USP24: variants seen among roughly 807,000 people sequenced by gnomAD.
The protein encoded by USP24 is ubiquitin carboxyl-terminal hydrolase 24.
USP24 carries 97 observed loss-of-function variants against 361.6 expected under a neutral mutation model. That is an observed-to-expected ratio of 0.27 (90% CI 0.23 to 0.32). The LOEUF is 0.32. Among genes scored for constraint, USP24 ranks in the 10% least tolerant of loss-of-function variants. USP24 has a pLI of 1.00. For synonymous variants in USP24, 1,098 were observed against 1,124.6 expected (o/e 0.98, Z 0.47); for missense variants, 2,353 against 3,165.6 (o/e 0.74, Z 6.16).
At chr1:55,144,598 T>C (rs948755029) in intron 20 of USP24, among the ~76,000 whole-genome samples, 10 of 152,136 alleles carry the variant, frequency 6.6e-5, no homozygotes, top group Non-Finnish European at 1.5e-4. Flanking sequence ...CACATATAAA[T>C]AGATGCTTAA....
intron 1 of USP24, among the ~76,000 whole-genome samples, chr1:55,185,717 T>C (rs1440368091): frequency 7.4e-6 from 1 of 135,448 alleles, no homozygotes; most frequent in Non-Finnish European, 1.6e-5. Flanking sequence ...CACACCACCA[T>C]ACCTGGTTCA....
chr1:55,102,698 A>C lies in USP24; in HGVS notation c.5026-995T>G, dbSNP rs532503589. 9.2e-5 allele frequency among the ~76,000 whole-genome samples: 14 copies of C among 152,312 alleles called. No homozygotes were observed. In the South Asian group the frequency reaches 2.9e-3, roughly 32 times the overall value. On this transcript the variant is annotated intron_variant, in intron 42 of 67. Transcript: ENST00000294383. ...GTCCAAAGCATAGATTTAAAAAAAAAAACTGGTTTGTAACAGTGCTAAAAA... is the reference window on the plus strand; with the variant it reads ...GTCCAAAGCATAGATTTAAAAAAAACAACTGGTTTGTAACAGTGCTAAAAA...
chr1:55,145,649 T>A lies in USP24; in HGVS notation c.2362+349A>T, dbSNP rs1464663042. 2.0e-5 allele frequency among the ~76,000 whole-genome samples: 3 copies of A among 152,348 alleles called. No homozygotes were observed. In the East Asian group the frequency reaches 5.8e-4, roughly 29 times the overall value. On this transcript the variant is annotated intron_variant, in intron 20 of 67. Coordinates refer to ENST00000294383, the MANE Select transcript of USP24 (RefSeq NM_015306.3). ...ACTTTAAAAAGTGAGTTTCATGGTA[T>A]GTAAATTATATCTCAATTTAAAAAT...
chr1:55,139,100 C>A, intron 24 of USP24, 90 bp from the exon 25 acceptor site: 1 of 1,151,228 alleles, frequency 8.7e-7, no homozygotes, highest in East Asian at 2.6e-5. Context: ...ACCACAATAA[C>A]AGTTAGCACT....
At position 55,139,005 on chromosome 1, in the gene USP24, G is replaced by T; in HGVS notation, c.2756C>A (p.Thr919Asn). The T allele has an allele frequency of 6.2e-7, 1 of 1,608,944 alleles. No homozygotes were observed. The highest frequency in any genetic ancestry group is 1.1e-5 in the South Asian group (1 of 90,386). Residue 919 changes from threonine (T) to asparagine (N), a missense_variant, in exon 25 of 68, where the codon ACT becomes AAT. Thr to Asn is a moderately conservative substitution (Grantham distance 65, BLOSUM62 0). Around this residue, in one of 8 missense-constraint regions of USP24, gnomAD observed 949 missense variants for 1,280.5 expected, o/e 0.74. Transcript: ENST00000294383. ...CAATCTCTCAATTATTACAAGTTTA[G>T]TAGATCTATAGATTAAAAAAAAAAA... The part of the protein sequence containing the change: ...ATSVQSPYRS[T>N]KLVIIERLLL...
rs1448727257 is a variant in USP24, at chr1:55,134,181, C to G, written c.3288-18G>C. The G allele has an allele frequency of 6.2e-7, 1 of 1,609,294 alleles. No homozygotes were observed. The highest frequency in any genetic ancestry group is 1.3e-5 in the African/African-American group (1 of 74,782). On this transcript the variant is annotated intron_variant, in intron 29 of 67. Coordinates refer to ENST00000294383, the MANE Select transcript of USP24 (RefSeq NM_015306.3). ...GAGTTATCCTGAAGTTTTTCAAATA[C>G]AAATTTTTTCATATAAGCCATAGTT...
In USP24 at chr1:55,129,574, C is replaced by T. The variant is rs1325312073; in HGVS notation, c.3538G>A (p.Val1180Ile). ...GTTGGCATGAGTTTGGAGCTTAGAA[C>T]CTAGGGAACAGATAAGCACAATTAT... ...STFRVLYNLEVLSSKLMPTAD... is the reference protein window; with the variant it reads ...STFRVLYNLEILSSKLMPTAD... Residue 1180 changes from valine to isoleucine, a missense_variant and splice_region_variant, in exon 32 of 68, where the codon GTT becomes ATT. Physicochemically the swap from Val to Ile is conservative, Grantham distance 29. Around this residue, in one of 8 missense-constraint regions of USP24, gnomAD observed 949 missense variants for 1,280.5 expected, o/e 0.74. Transcript: ENST00000294383. 6.2e-7 allele frequency: 1 copy of T among 1,613,100 alleles called. No individual in the cohort carries two copies. The highest frequency in any genetic ancestry group is 1.3e-5 in the African/African-American group (1 of 74,902).
chr1:55,144,769 T>C (rs572901317), intron 20 of USP24, among the ~76,000 whole-genome samples: 14 of 152,178 alleles, frequency 9.2e-5, no homozygotes, highest in Admixed American at 3.3e-4. Context: ...ACCCTGTCTC[T>C]ACTAAAAATA....
In USP24 at chr1:55,191,408, T is replaced by G. The variant is rs143276314; in HGVS notation, c.325-13276A>C. Among the ~76,000 whole-genome samples the G allele has an allele frequency of 3.8e-3, 581 of 152,278 alleles. 5 individuals are homozygous for G. The highest frequency in any genetic ancestry group is 0.013 in the African/African-American group (544 of 41,560). On this transcript the variant is annotated intron_variant, in intron 1 of 67. Transcript: ENST00000294383. ...GCCATAAATATGCTAGGAATTCAAA[T>G]AGTTATGATTATGACTTCATCTGTT...
intron 5 of USP24, among the ~76,000 whole-genome samples, chr1:55,169,562 C>T (rs964669474): frequency 1.3e-5 from 2 of 152,022 alleles, no homozygotes; most frequent in Non-Finnish European, 2.9e-5. Context: ...GAAAAGATTT[C>T]AAAATACAGC....
At chr1:55,190,285 C>T (rs779182509) in intron 1 of USP24, among the ~76,000 whole-genome samples, 11 of 151,918 alleles carry the variant, frequency 7.2e-5, no homozygotes, top group Non-Finnish European at 1.3e-4. Context: ...AGCAACAGCG[C>T]GTTATACACA....
chr1:55,166,743 C>T (rs1262890815), intron 5 of USP24, 140 bp from the exon 6 acceptor site: 43 of 804,282 alleles, frequency 5.3e-5, no homozygotes, highest in Non-Finnish European at 7.6e-5. Flanking sequence ...TTTTCCCAAA[C>T]GCTTCCTAAG....
intron 42 of USP24, among the ~76,000 whole-genome samples, 175 bp from the exon 43 acceptor site, chr1:55,101,878 A>C (rs1282323241): frequency 6.6e-6 from 1 of 152,228 alleles, no homozygotes; most frequent in Non-Finnish European, 1.5e-5. Context: ...TGCTGATATA[A>C]TTATCAAATA....
intron 38 of USP24, among the ~76,000 whole-genome samples, chr1:55,112,723 A>C (rs568556880): frequency 6.6e-6 from 1 of 152,156 alleles, no homozygotes. Flanking sequence ...TGTGGTGTTG[A>C]AAAGAATGTA....
At chr1:55,140,945 AC>A (rs1297730197) in intron 24 of USP24, among the ~76,000 whole-genome samples, 1 of 152,232 alleles carries the variant, frequency 6.6e-6, no homozygotes, top group Non-Finnish European at 1.5e-5. Flanking sequence ...ACTACAGCAG[AC>A]ACTAAACTCA....
At chr1:55,183,662 C>A (rs1208781086) in intron 1 of USP24, among the ~76,000 whole-genome samples, 2 of 152,054 alleles carry the variant, frequency 1.3e-5, no homozygotes, top group Non-Finnish European at 2.9e-5. Flanking sequence ...TCCTGTCTTA[C>A]CAGTAATTAC....
rs144470155 is a variant in USP24 at position 55,192,967 on chromosome 1, T to C, written c.325-14835A>G. Among the ~76,000 whole-genome samples the C allele has an allele frequency of 6.6e-5, 10 of 152,278 alleles. No individual in the cohort carries two copies. The East Asian group carries it at 1.9e-3, about 29-fold the overall frequency. On this transcript the variant is annotated intron_variant, in intron 1 of 67. Transcript: ENST00000294383. The stretch of plus-strand genomic sequence containing the variant: ...TTCTTGGTTATTCAGGTAAAGTCAG[T>C]CCTCCACACCCATGGGTTCAACCAA...
intron 23 of USP24, among the ~76,000 whole-genome samples, chr1:55,142,073 AG>A (rs1646904781): frequency 6.6e-6 from 1 of 152,242 alleles, no homozygotes; most frequent in Non-Finnish European, 1.5e-5. Flanking sequence ...AGTCACAATT[AG>A]GGAAATACCG....
chr1:55,094,686 C>A, intron 51 of USP24, among the ~76,000 whole-genome samples: 1 of 127,876 alleles, frequency 7.8e-6, no homozygotes. Flanking sequence ...TCAACAAATG[C>A]TGCTAACATT....
Sources: allele counts gnomAD v4.1 joint callset (sites outside exome capture counted in the v4.1 genomes callset), GRCh38; gene constraint gnomAD v4.1.1; regional missense constraint gnomAD v4.1.1; transcripts MANE v1.5; gene names NCBI Gene and HGNC (gene_info 2026-07-23, HGNC 2026-07-21).